The following PRKCE variants were observed in gnomAD, a reference collection of about 807,000 sequenced individuals.
The protein encoded by PRKCE is protein kinase C epsilon type.
Under a neutral mutation model 85.4 loss-of-function variants are expected in PRKCE, and 16 were observed. That is an observed-to-expected ratio of 0.19 (90% CI 0.13 to 0.28). PRKCE has a LOEUF of 0.28. PRKCE is among the 10% of genes least tolerant of loss of function. PRKCE has a pLI of 1.00. For synonymous variants in PRKCE, 388 were observed against 371.5 expected (o/e 1.04, Z -0.51); for missense variants, 573 against 975.2 (o/e 0.59, Z 5.49).
At chr2:46,143,805 C>CT (rs1423823181) in intron 11 of PRKCE, among the ~76,000 whole-genome samples, 1 of 152,186 alleles carries the variant, frequency 6.6e-6, no homozygotes, top group Non-Finnish European at 1.5e-5. Context: ...TTTATATGCT[C>CT]TTTTTTCTCA....
chr2:45,792,207 T>A (rs965074686), intron 1 of PRKCE, among the ~76,000 whole-genome samples: 2 of 152,064 alleles, frequency 1.3e-5, no homozygotes, highest in African/African-American at 4.8e-5. Context: ...CTGAGGGGTG[T>A]CCTGGCTTTT....
chr2:45,822,061 G>C (rs956467384), intron 1 of PRKCE, among the ~76,000 whole-genome samples: 1 of 152,084 alleles, frequency 6.6e-6, no homozygotes, highest in African/African-American at 2.4e-5. Context: ...GGGAGAGCAG[G>C]GTGCAGAATG....
At chr2:45,765,405 A>T (rs1345110577) in intron 1 of PRKCE, among the ~76,000 whole-genome samples, 6 of 152,198 alleles carry the variant, frequency 3.9e-5, no homozygotes, top group African/African-American at 1.4e-4. Flanking sequence ...TGCTGAGGAG[A>T]TGCTTCATTT....
chr2:45,876,247 C>T (rs1694470073), intron 2 of PRKCE, among the ~76,000 whole-genome samples: 1 of 152,170 alleles, frequency 6.6e-6, no homozygotes, highest in African/African-American at 2.4e-5. Flanking sequence ...TAAAATCCTT[C>T]AGCATTTCCC....
At chr2:45,936,225 G>C (rs1699442411) in intron 2 of PRKCE, among the ~76,000 whole-genome samples, 1 of 152,164 alleles carries the variant, frequency 6.6e-6, no homozygotes, top group African/African-American at 2.4e-5. Context: ...GCACCCCTTG[G>C]GGGTTACTCA....
chr2:45,976,379 G>A (rs370474094), intron 2 of PRKCE, 50 bp from the exon 3 acceptor site: 9 of 1,571,374 alleles, frequency 5.7e-6, no homozygotes, highest in Non-Finnish European at 7.8e-6. Context: ...TCATTTTGAA[G>A]GTGCACTAAC....
rs1047696692 is a variant in PRKCE, at chr2:45,793,415, A to T, written c.349-49585A>T. Among the ~76,000 whole-genome samples, 4 of 152,172 alleles carry T rather than the reference A, an allele frequency of 2.6e-5. 1 individual carries two copies. The highest frequency in any genetic ancestry group is 9.7e-5 in the African/African-American group (4 of 41,438). ...AGAGGGGAAGAAAGAAGAAAAAATT[A>T]TACCCAGACTCCCCCAAATCCTGCT... On this transcript the variant is annotated intron_variant, in intron 1 of 14. Transcript: ENST00000306156.
rs991464564 is a variant in PRKCE, at chr2:46,185,634, C to T, written c.*753C>T. ...TTGGCCAAAAGAGATGAGTTCCAGT[C>T]TGAATACAGGTAGATATTAAAGGGC... On this transcript the variant is annotated 3_prime_UTR_variant, in exon 15 of 15. Transcript: ENST00000306156. The surrounding 1 kb of genome is among the most constrained non-coding windows in gnomAD (Gnocchi z 4.7). 3 of 152,612 alleles carry T rather than the reference C, an allele frequency of 2.0e-5. No individual in the cohort carries two copies. The highest frequency in any genetic ancestry group is 4.4e-5 in the Non-Finnish European group (3 of 68,054). The allele number at this position is 152,612 out of a possible 1,614,324, so 9.5% of individuals were successfully genotyped here. A position where few individuals can be genotyped will look rare whatever the true frequency, so the allele number is the denominator to read the frequency against.
intron 10 of PRKCE, among the ~76,000 whole-genome samples, chr2:46,059,124 G>A (rs747100225): frequency 5.3e-5 from 8 of 152,116 alleles, no homozygotes; most frequent in Non-Finnish European, 1.0e-4. Flanking sequence ...TGTGGTGCTT[G>A]TTTGTGGTCC....
At chr2:46,076,342 A>G (rs955974994) in intron 10 of PRKCE, among the ~76,000 whole-genome samples, 4 of 152,224 alleles carry the variant, frequency 2.6e-5, no homozygotes, top group Admixed American at 2.6e-4. Context: ...TGACCCCTGG[A>G]AAAGGAAAGT....
At chr2:45,677,514 G>T (rs1204281208) in intron 1 of PRKCE, among the ~76,000 whole-genome samples, 2 of 152,062 alleles carry the variant, frequency 1.3e-5, no homozygotes, top group Admixed American at 6.5e-5. Context: ...CCGCCACCGC[G>T]CCCGGCTAAT....
At chr2:45,996,662 C>A (rs1271814900) in intron 6 of PRKCE, among the ~76,000 whole-genome samples, 1 of 152,102 alleles carries the variant, frequency 6.6e-6, no homozygotes, top group African/African-American at 2.4e-5. Flanking sequence ...AAATGTTGAA[C>A]CAGCCTTGCT....
At chr2:45,684,893 T>C (rs1677181293) in intron 1 of PRKCE, among the ~76,000 whole-genome samples, 1 of 152,192 alleles carries the variant, frequency 6.6e-6, no homozygotes, top group South Asian at 2.1e-4. Context: ...GCTGGCAGTG[T>C]GCACCAGAAA....
At chr2:45,944,829 A>T (rs528913738) in intron 2 of PRKCE, among the ~76,000 whole-genome samples, 1 of 152,082 alleles carries the variant, frequency 6.6e-6, no homozygotes, top group African/African-American at 2.4e-5. Context: ...AAAAACACAA[A>T]AACCTCAAGT....
intron 1 of PRKCE, among the ~76,000 whole-genome samples, chr2:45,780,398 A>G (rs1403826776): frequency 6.6e-6 from 1 of 152,150 alleles, no homozygotes; most frequent in Non-Finnish European, 1.5e-5. Context: ...GGTGTCTTTT[A>G]ACCTGTTCCT....
chr2:45,847,387 A>G (rs1490055195), intron 2 of PRKCE, among the ~76,000 whole-genome samples: 1 of 152,230 alleles, frequency 6.6e-6, no homozygotes, highest in African/African-American at 2.4e-5. Flanking sequence ...TTTCAGGCTG[A>G]ATCAATCAAA....
chr2:45,834,813 T>C (rs1690721906), intron 1 of PRKCE, among the ~76,000 whole-genome samples: 1 of 152,252 alleles, frequency 6.6e-6, no homozygotes, highest in Non-Finnish European at 1.5e-5. Flanking sequence ...TTAAGCAGTC[T>C]CCTATTCATG....
At chr2:46,171,550 G>T (rs1307919009) in intron 14 of PRKCE, among the ~76,000 whole-genome samples, 1 of 152,110 alleles carries the variant, frequency 6.6e-6, no homozygotes, top group African/African-American at 2.4e-5. Flanking sequence ...ACAGCCTCGG[G>T]GTCAGAACAA....
intron 2 of PRKCE, among the ~76,000 whole-genome samples, chr2:45,864,592 G>A (rs113712970): frequency 0.036 from 5,457 of 152,148 alleles, 128 homozygotes; most frequent in Middle Eastern, 0.12. Context: ...TATGAACATC[G>A]GTTATTGGTT....
Sources: gnomAD v4.1 joint callset for allele counts (sites outside exome capture counted in the v4.1 genomes callset) on GRCh38, gnomAD v4.1.1 for gene constraint, Gnocchi (gnomAD v3.1) non-coding constraint, MANE v1.5 for transcripts, NCBI Gene and HGNC (gene_info 2026-07-23, HGNC 2026-07-21) for gene names.